Variants in POLR1E observed in about 807,000 individuals in gnomAD.
POLR1E encodes the protein DNA-directed RNA polymerase I subunit RPA49.
POLR1E carries 37 observed loss-of-function variants against 50.9 expected under a neutral mutation model. The ratio of observed to expected loss-of-function variants is 0.73; its 90% CI spans 0.56 to 0.96. The LOEUF (loss-of-function observed/expected upper bound fraction) is 0.96. Ranked by LOEUF, POLR1E falls within the 40% of genes least tolerant of loss-of-function variation. The pLI, the probability that POLR1E is intolerant of heterozygous loss-of-function variation, is 0.00. For missense variants in POLR1E, 426 were observed against 518.1 expected, an observed-to-expected ratio of 0.82 and a Z score of 1.73; for synonymous variants, 166 against 191.6, an observed-to-expected ratio of 0.87 and a Z score of 1.10.
At chr9:37,490,760 A>G in intron 4 of POLR1E, 1 of 649,682 alleles carries the variant, frequency 1.5e-6, no homozygotes, top group Non-Finnish European at 2.9e-6. Context: ...AACAGTACCC[A>G]TTCCCTTGAT....
Position 37,492,064 on chromosome 9 carries a change from C to A in POLR1E, c.344-593C>A, listed in dbSNP as rs1471773571. Reference sequence around the variant, plus strand: ...TAAGCACTTTCCATGCATATACCAACCTTCTGGAGTAAGTACTGTTGTTCT... The same window carrying A: ...TAAGCACTTTCCATGCATATACCAAACTTCTGGAGTAAGTACTGTTGTTCT... On this transcript the variant is annotated intron_variant, in intron 4 of 11. Transcript: ENST00000377798. 2.6e-5 allele frequency among the ~76,000 whole-genome samples: 4 copies of A among 151,434 alleles called. No homozygotes were observed. The East Asian group carries it at 7.7e-4, about 29-fold the overall frequency.
At chr9:37,496,477 A>G (rs1257691055) in intron 8 of POLR1E, among the ~76,000 whole-genome samples, 1 of 151,794 alleles carries the variant, frequency 6.6e-6, no homozygotes, top group Non-Finnish European at 1.5e-5. Flanking sequence ...CTTTTATGAT[A>G]GTGAGTTTTT....
intron 1 of POLR1E, chr9:37,486,416 A>AG: frequency 6.5e-7 from 1 of 1,528,450 alleles, no homozygotes; most frequent in Non-Finnish European, 8.8e-7. Flanking sequence ...TTCACTGGGC[A>AG]GGGGTTCCTT....
chr9:37,486,679 C>T (rs976058393), intron 1 of POLR1E, 24 bp from the exon 2 acceptor site: 2 of 1,614,144 alleles, frequency 1.2e-6, no homozygotes, highest in African/African-American at 1.3e-5. Flanking sequence ...GCTCTCATCT[C>T]ATTCTTGGGC....
Position 37,486,389 on chromosome 9 carries a change from TC to T in POLR1E, c.76+271del. On this transcript the variant is annotated intron_variant, in intron 1 of 11. Coordinates refer to ENST00000377798, the MANE Select transcript of POLR1E (RefSeq NM_022490.4). ...CCCCTCACCCACCAGGTCTCCCGCC[TC>T]CCCCATTTCCCTCTCTTCACTGGGC... 2.7e-6 allele frequency: 4 copies of T among 1,502,624 alleles called. No individual in the cohort carries two copies. In the East Asian group the frequency reaches 7.4e-5, roughly 28 times the overall value. 93.1% of individuals were successfully genotyped at this position (1,502,624 alleles called of 1,614,324 possible).
chr9:37,495,797 G>A lies in POLR1E; in HGVS notation c.656-93G>A, dbSNP rs1034914591. 5.6e-6 allele frequency: 5 copies of A among 896,926 alleles called. No homozygotes were observed. In the African/African-American group the frequency reaches 6.6e-5, roughly 12 times the overall value. 55.6% of individuals were successfully genotyped at this position (896,926 alleles called of 1,614,324 possible). ...GTGTGATCTTTGGCTCTCTGAGCCT[G>A]TTTCCCTGTCTGTGAAATGCCACTG... On this transcript the variant is annotated intron_variant, in intron 7 of 11. Coordinates refer to ENST00000377798, the MANE Select transcript of POLR1E (RefSeq NM_022490.4).
intron 8 of POLR1E, among the ~76,000 whole-genome samples, 195 bp from the exon 9 acceptor site, chr9:37,497,878 TCAGCCTTCCGAGTAGCTG>T (rs1279115700): frequency 1.3e-5 from 2 of 152,196 alleles, no homozygotes; most frequent in African/African-American, 4.8e-5. Context: ...TCCTCCCGCC[TCAGCCTTCCGAGTAGCTG>T]GGACCACACA....
chr9:37,501,417 G>T (rs1820886141), intron 10 of POLR1E, among the ~76,000 whole-genome samples: 1 of 152,224 alleles, frequency 6.6e-6, no homozygotes. Flanking sequence ...TGCTGGGCAG[G>T]CGGGGACAGA....
chr9:37,487,696 C>T (rs989643867), intron 2 of POLR1E, among the ~76,000 whole-genome samples, 167 bp from the exon 3 acceptor site: 2 of 152,194 alleles, frequency 1.3e-5, no homozygotes, highest in Non-Finnish European at 2.9e-5. Flanking sequence ...CAGGGACACC[C>T]CATATTCCCT....
In POLR1E at chr9:37,486,724, T is replaced by C; in HGVS notation, c.98T>C (p.Leu33Pro). 6.2e-7 allele frequency: 1 copy of C among 1,614,238 alleles called. No homozygotes were observed. Among genetic ancestry groups the C allele is most frequent in the East Asian group, 2.2e-5 (1 of 44,880 alleles). Residue 33 changes from leucine (L) to proline (P), a missense_variant, in exon 2 of 12, where the codon CTA becomes CCA. By Grantham distance (98) the Leu-to-Pro change is moderately conservative. Coordinates refer to ENST00000377798, the MANE Select transcript of POLR1E (RefSeq NM_022490.4). ...ACAGTCCAGTTCTCCAACGGGAAGC[T>C]ACAGAGTCCAGGCAACATGCGCTTT... ...AVLVQFSNGK[L>P]QSPGNMRFTL...
At chr9:37,497,547 G>A (rs1315827974) in intron 8 of POLR1E, among the ~76,000 whole-genome samples, 2 of 152,186 alleles carry the variant, frequency 1.3e-5, no homozygotes, top group Non-Finnish European at 2.9e-5. Context: ...TATAAATAAA[G>A]TTTTATTGGA....
chr9:37,499,453 G>A (rs1274750279), intron 9 of POLR1E, among the ~76,000 whole-genome samples: 1 of 152,182 alleles, frequency 6.6e-6, no homozygotes, highest in African/African-American at 2.4e-5. Context: ...TATGTGGCCT[G>A]TCATTGACCA....
intron 9 of POLR1E, 77 bp downstream of exon 9, chr9:37,498,301 G>T: frequency 1.4e-6 from 2 of 1,436,276 alleles, no homozygotes; most frequent in South Asian, 2.6e-5. Flanking sequence ...GAGTTCTGAT[G>T]AGAGAAGAAA....
At chr9:37,490,568 A>G (rs1820664896) in intron 4 of POLR1E, 4 of 723,110 alleles carry the variant, frequency 5.5e-6, no homozygotes, top group South Asian at 2.8e-5. Context: ...TTTTCTAATC[A>G]TCTTTCTTCA....
intron 5 of POLR1E, 147 bp downstream of exon 5, chr9:37,492,862 T>G (rs1392361706): frequency 2.8e-6 from 2 of 722,186 alleles, no homozygotes; most frequent in Non-Finnish European, 4.8e-6. Context: ...ACAATTAGTT[T>G]GTACCTGCAG....
At chr9:37,493,229 G>A (rs565757087) in intron 5 of POLR1E, among the ~76,000 whole-genome samples, 14 of 152,270 alleles carry the variant, frequency 9.2e-5, no homozygotes, top group African/African-American at 3.1e-4. Flanking sequence ...TGTCTGTTAC[G>A]GGTGTAAGAT....
In POLR1E at chr9:37,493,609, G is replaced by T; in HGVS notation, c.453G>T (p.Leu151=). 6.2e-7 allele frequency: 1 copy of T among 1,610,504 alleles called. No individual in the cohort carries two copies. The highest frequency in any genetic ancestry group is 1.1e-5 in the South Asian group (1 of 90,424). The change falls in exon 6 of 12, where the codon CTG becomes CTT. Residue 151 remains leucine (L), a synonymous_variant. Coordinates refer to ENST00000377798, the MANE Select transcript of POLR1E (RefSeq NM_022490.4). ...AFGTTKQKRA[L]NTRRMNRVGN... Reference sequence around the variant, plus strand: ...GTACCACCAAACAGAAGCGAGCTCTGAACACCAGGAGAATGAACAGAGTTG... The same window carrying T: ...GTACCACCAAACAGAAGCGAGCTCTTAACACCAGGAGAATGAACAGAGTTG...
chr9:37,486,729 A>G lies in POLR1E; in HGVS notation c.103A>G (p.Ser35Gly). ...CCAGTTCTCCAACGGGAAGCTACAG[A>G]GTCCAGGCAACATGCGCTTTACCTT... ...LVQFSNGKLQSPGNMRFTLYE... is the reference protein window; with the variant it reads ...LVQFSNGKLQGPGNMRFTLYE... Residue 35 changes from serine to glycine, a missense_variant, in exon 2 of 12, where the codon AGT becomes GGT. Coordinates refer to ENST00000377798, the MANE Select transcript of POLR1E (RefSeq NM_022490.4). 6.2e-7 allele frequency: 1 copy of G among 1,614,238 alleles called. No individual in the cohort carries two copies. The highest frequency in any genetic ancestry group is 8.5e-7 in the Non-Finnish European group (1 of 1,180,042).
At position 37,501,504 on chromosome 9, in the gene POLR1E, A is replaced by G. The variant is rs554480141; in HGVS notation, c.969-209A>G. ...AGGCCCAGCTTTCTCTATCTGCCTCAGAGGGAAACATGGACTGGCACACTG... is the reference window on the plus strand; with the variant it reads ...AGGCCCAGCTTTCTCTATCTGCCTCGGAGGGAAACATGGACTGGCACACTG... On this transcript the variant is annotated intron_variant, in intron 10 of 11. Coordinates refer to ENST00000377798, the MANE Select transcript of POLR1E (RefSeq NM_022490.4). 2.3e-4 allele frequency among the ~76,000 whole-genome samples: 35 copies of G among 152,350 alleles called. No homozygotes were observed. In the South Asian group the frequency reaches 3.5e-3, roughly 15 times the overall value.
Sources: allele counts gnomAD v4.1 joint callset (sites outside exome capture counted in the v4.1 genomes callset), GRCh38; gene constraint gnomAD v4.1.1; transcripts MANE v1.5; gene names NCBI Gene and HGNC (gene_info 2026-07-23, HGNC 2026-07-21).